OTUD7A: variants seen among roughly 807,000 people sequenced by gnomAD.
OTUD7A encodes the protein OTU deubiquitinase 7A.
A neutral mutation model predicts 65.7 loss-of-function variants in OTUD7A; 12 were observed. The observed-to-expected ratio is 0.18, with a 90% confidence interval of 0.12 to 0.30. The LOEUF (loss-of-function observed/expected upper bound fraction) is 0.30, where lower values mean the gene tolerates loss of function less well. Among genes scored for constraint, OTUD7A ranks in the 10% least tolerant of loss-of-function variants. The pLI is 1.00. For synonymous variants in OTUD7A, 641 were observed against 586.3 expected (o/e 1.09, Z -1.35); for missense variants, 1,148 against 1,304.8 (o/e 0.88, Z 1.85).
chr15:31,628,404 G>A (rs1179439754), intron 3 of OTUD7A, among the ~76,000 whole-genome samples: 1 of 152,164 alleles, frequency 6.6e-6, no homozygotes, highest in Non-Finnish European at 1.5e-5. Flanking sequence ...GATGGTTGTA[G>A]ATATGTGGCA....
At chr15:31,633,267 A>AC (rs1210219121) in intron 3 of OTUD7A, among the ~76,000 whole-genome samples, 1 of 151,640 alleles carries the variant, frequency 6.6e-6, no homozygotes, top group African/African-American at 2.4e-5. Context: ...TCTTGGCTCC[A>AC]CCCCCCTGTA....
rs1250285573 is a variant in OTUD7A at position 31,850,275 on chromosome 15, C to G, written c.-100+20232G>C. 2.0e-5 allele frequency among the ~76,000 whole-genome samples: 3 copies of G among 152,132 alleles called. No homozygotes were observed. The East Asian group carries it at 5.8e-4, about 29-fold the overall frequency. On this transcript the variant is annotated intron_variant, in intron 1 of 12. Transcript: ENST00000307050. Reference sequence around the variant, plus strand: ...GTTCTTTGTAGGGACACAGATGAAGCTGGAAACCATCATTCTGAGCAAACT... The same window carrying G: ...GTTCTTTGTAGGGACACAGATGAAGGTGGAAACCATCATTCTGAGCAAACT...
chr15:31,488,961 G>A (rs2041279425), intron 10 of OTUD7A, among the ~76,000 whole-genome samples: 1 of 152,198 alleles, frequency 6.6e-6, no homozygotes, highest in South Asian at 2.1e-4. Flanking sequence ...GGGGTGGCTT[G>A]GCCTGGCTTT....
intron 1 of OTUD7A, among the ~76,000 whole-genome samples, chr15:31,745,199 T>C (rs1255682291): frequency 1.3e-5 from 2 of 152,060 alleles, no homozygotes; most frequent in Non-Finnish European, 2.9e-5. Context: ...GACAAAATTA[T>C]TCAAAATTTT....
At position 31,483,838 on chromosome 15, in the gene OTUD7A, C is replaced by T. The variant is rs2041180869; in HGVS notation, c.2258G>A (p.Gly753Glu). 4.1e-6 allele frequency: 4 copies of T among 984,404 alleles called. No individual in the cohort carries two copies. Among genetic ancestry groups the T allele is most frequent in the Non-Finnish European group, 3.6e-6 (3 of 830,688 alleles). The allele number at this position is 984,404 out of a possible 1,614,324, so 61.0% of individuals were successfully genotyped here. A position where few individuals can be genotyped will look rare whatever the true frequency, so the allele number is the denominator to read the frequency against. Residue 753 changes from glycine to glutamate, a missense_variant, in exon 13 of 13, where the codon GGG becomes GAG. Gly to Glu is a moderately conservative substitution (Grantham distance 98). Around this residue, in one of 6 missense-constraint regions of OTUD7A, gnomAD observed 842 missense variants for 769.5 expected, o/e 1.09. Coordinates refer to ENST00000307050, the MANE Select transcript of OTUD7A (RefSeq NM_001382637.1). ...GGCGCTCGCACGCCGCGCGCCTCCC[C>T]CCGGGGAGGCCGTGCCGCCCGCCGC... ...RAAAGGTASPGGGARRASASG... is the reference protein window; with the variant it reads ...RAAAGGTASPEGGARRASASG...
intron 1 of OTUD7A, among the ~76,000 whole-genome samples, chr15:31,679,911 A>G (rs1823075633): frequency 1.3e-5 from 2 of 152,254 alleles, no homozygotes; most frequent in South Asian, 4.1e-4. Flanking sequence ...AGTTCTGGAA[A>G]AAACATAAAA....
chr15:31,483,277 G>C lies in OTUD7A; in HGVS notation c.*17C>G, dbSNP rs2041162171. The C allele has an allele frequency of 9.2e-7, 1 of 1,086,560 alleles. No individual in the cohort carries two copies. Among genetic ancestry groups the C allele is most frequent in the Non-Finnish European group, 1.1e-6 (1 of 897,080 alleles). 67.3% of individuals were successfully genotyped at this position (1,086,560 alleles called of 1,614,324 possible). ...CCTCGAAGGTAGAACCTCGCCGCCCGCGCCGCGCCGCGCCGCTCAGGGCCG... is the reference window on the plus strand; with the variant it reads ...CCTCGAAGGTAGAACCTCGCCGCCCCCGCCGCGCCGCGCCGCTCAGGGCCG... On this transcript the variant is annotated 3_prime_UTR_variant, in exon 13 of 13. Coordinates refer to ENST00000307050, the MANE Select transcript of OTUD7A (RefSeq NM_001382637.1).
intron 3 of OTUD7A, among the ~76,000 whole-genome samples, chr15:31,649,232 T>C (rs960733766): frequency 2.6e-5 from 4 of 152,168 alleles, no homozygotes; most frequent in African/African-American, 9.7e-5. Context: ...GACCCAACTT[T>C]GATCTGGTAA....
rs541219915 is a variant in OTUD7A, at chr15:31,502,256, A to G, written c.1022-417T>C. ...AACCTCTTCTATTGAATTTGAAGGA[A>G]CCAGTCAGAGAGCTCCAGGACCAAG... On this transcript the variant is annotated intron_variant, in intron 9 of 12. Coordinates refer to ENST00000307050, the MANE Select transcript of OTUD7A (RefSeq NM_001382637.1). Among the ~76,000 whole-genome samples, 20 of 152,272 alleles carry G rather than the reference A, an allele frequency of 1.3e-4. No homozygotes were observed. In the South Asian group the frequency reaches 3.9e-3, roughly 30 times the overall value.
intron 1 of OTUD7A, among the ~76,000 whole-genome samples, chr15:31,836,916 T>C (rs1897068275): frequency 6.6e-6 from 1 of 152,214 alleles, no homozygotes; most frequent in Admixed American, 6.5e-5. Flanking sequence ...GCTTTTTCCT[T>C]ATGGTCAGAA....
chr15:31,501,334 T>C (rs34488095), intron 10 of OTUD7A, among the ~76,000 whole-genome samples: 16,589 of 152,234 alleles, frequency 0.11, 2,419 homozygotes, highest in African/African-American at 0.34. Context: ...TGGTGGGCCA[T>C]AGTTCATTAA....
chr15:31,701,560 A>G (rs1893214678), intron 1 of OTUD7A, among the ~76,000 whole-genome samples: 1 of 151,864 alleles, frequency 6.6e-6, no homozygotes, highest in Admixed American at 6.6e-5. Context: ...CTTAGATGAA[A>G]TGGACCAATT....
At chr15:31,795,787 T>C (rs1036093442) in intron 1 of OTUD7A, among the ~76,000 whole-genome samples, 2 of 152,316 alleles carry the variant, frequency 1.3e-5, no homozygotes, top group East Asian at 3.9e-4. Context: ...GGAAGCATGC[T>C]TGGGCCTTTG....
intron 10 of OTUD7A, among the ~76,000 whole-genome samples, chr15:31,489,056 G>C (rs1032624719): frequency 6.6e-6 from 1 of 152,232 alleles, no homozygotes; most frequent in Non-Finnish European, 1.5e-5. Flanking sequence ...GAGGGCTGCA[G>C]GGCTGGCTCA....
In OTUD7A at chr15:31,623,654, G is replaced by A. The variant is rs151259557; in HGVS notation, c.151+31442C>T. 5.1e-3 allele frequency among the ~76,000 whole-genome samples: 774 copies of A among 152,342 alleles called. 3 individuals carry two copies. Among genetic ancestry groups the A allele is most frequent in the African/African-American group, 0.018 (737 of 41,582 alleles). The stretch of plus-strand genomic sequence containing the variant: ...GTGGGAGTGACCTGATTTTCCAGGT[G>A]CCATCTGTGACAGCTTTGCTTGTCT... On this transcript the variant is annotated intron_variant, in intron 3 of 12. Transcript: ENST00000307050.
At chr15:31,826,058 G>C (rs1896790125) in intron 1 of OTUD7A, among the ~76,000 whole-genome samples, 1 of 152,198 alleles carries the variant, frequency 6.6e-6, no homozygotes, top group South Asian at 2.1e-4. Context: ...CAGGCCCATA[G>C]TACAAGCTGT....
chr15:31,620,201 T>C (rs1363951209), intron 3 of OTUD7A, among the ~76,000 whole-genome samples: 1 of 152,204 alleles, frequency 6.6e-6, no homozygotes, highest in East Asian at 1.9e-4. Flanking sequence ...GCATCGATGT[T>C]CATCAGGGAT....
At chr15:31,861,749 A>G (rs1315454874) in intron 1 of OTUD7A, among the ~76,000 whole-genome samples, 1 of 152,212 alleles carries the variant, frequency 6.6e-6, no homozygotes, top group Non-Finnish European at 1.5e-5. Flanking sequence ...CAGCCTTTCA[A>G]TGTGCCTACC....
rs2041079732 is a variant in OTUD7A at position 31,479,439 on chromosome 15, C to T, written c.*3855G>A. 1 of 152,184 alleles carries T rather than the reference C, an allele frequency of 6.6e-6. No homozygotes were observed. Among genetic ancestry groups the T allele is most frequent in the South Asian group, 2.1e-4 (1 of 4,828 alleles). 9.4% of individuals were successfully genotyped at this position (152,184 alleles called of 1,614,324 possible). ...TGGCCATAAAGAAAGGAGCCCCAAA[C>T]ATACAGTAGATGCCTTCAGCTTTTA... is the stretch of plus-strand genomic sequence containing the variant. On this transcript the variant is annotated 3_prime_UTR_variant, in exon 13 of 13. Transcript: ENST00000307050.
Sources: allele counts gnomAD v4.1 joint callset (sites outside exome capture counted in the v4.1 genomes callset), GRCh38; gene constraint gnomAD v4.1.1; regional missense constraint gnomAD v4.1.1; transcripts MANE v1.5; gene names NCBI Gene and HGNC (gene_info 2026-07-23, HGNC 2026-07-21).